Variants in PCNT observed in about 807,000 individuals in gnomAD.
PCNT encodes pericentrin, also known as kendrin.
In PCNT, 319 loss-of-function variants were observed where a neutral mutation model predicts 380.4. The ratio of observed to expected loss-of-function variants is 0.84; its 90% CI spans 0.77 to 0.92. The LOEUF (loss-of-function observed/expected upper bound fraction) is 0.92, where lower values mean the gene tolerates loss of function less well. Ranked by LOEUF, PCNT falls within the 40% of genes least tolerant of loss-of-function variation. The pLI is 0.00. For synonymous variants in PCNT, 1,845 were observed against 1,735.2 expected, an observed-to-expected ratio of 1.06 and a Z score of -1.57; for missense variants, 4,400 against 4,255.3, an observed-to-expected ratio of 1.03 and a Z score of -0.95.
At chr21:46,443,385 G>GT (rs1472251037) in intron 44 of PCNT, among the ~76,000 whole-genome samples, 16 of 152,202 alleles carry the variant, frequency 1.1e-4, no homozygotes, top group Non-Finnish European at 2.1e-4. Flanking sequence ...CCTGGCAGCT[G>GT]TATCAGTGTT....
chr21:46,332,587 T>G (rs189034442), intron 2 of PCNT, among the ~76,000 whole-genome samples: 505 of 152,326 alleles, frequency 3.3e-3, no homozygotes, highest in South Asian at 0.012. Flanking sequence ...GTGTCCCCTT[T>G]TCGTCCCTCA....
intron 8 of PCNT, 38 bp from the exon 9 acceptor site, chr21:46,351,391 C>G (rs1472780167): frequency 9.0e-7 from 1 of 1,108,162 alleles, no homozygotes; most frequent in Non-Finnish European, 1.4e-6. Context: ...GGGCCTTGAG[C>G]TCATTAGGGT....
chr21:46,360,101 C>T (rs1284255013), intron 13 of PCNT, among the ~76,000 whole-genome samples: 2 of 152,012 alleles, frequency 1.3e-5, no homozygotes, highest in Non-Finnish European at 2.9e-5. Flanking sequence ...AAGTGATCCA[C>T]CCGCCTCGGC....
Position 46,435,997 on chromosome 21 carries a change from G to A in PCNT, c.8845G>A (p.Gly2949Ser), listed in dbSNP as rs763656863. Reference sequence around the variant, plus strand: ...CCTGGAGTCGAAGGACGAGGTGCCTGGCAGCCGCCTCCACCTAGGTTCTGC... The same window carrying A: ...CCTGGAGTCGAAGGACGAGGTGCCTAGCAGCCGCCTCCACCTAGGTTCTGC... ...RDLESKDEVP[G>S]SRLHLGSARR... Residue 2949 changes from glycine to serine, a missense_variant, in exon 39 of 47, where the codon GGC (glycine) becomes AGC (serine). Transcript: ENST00000359568. 1.2e-6 allele frequency: 2 copies of A among 1,614,178 alleles called. No individual in the cohort carries two copies. Among genetic ancestry groups the A allele is most frequent in the South Asian group, 1.1e-5 (1 of 91,084 alleles).
rs1350674240 is a variant in PCNT, at chr21:46,385,975, C to G, written c.3456C>G (p.His1152Gln). 7 of 1,614,044 alleles carry G rather than the reference C, an allele frequency of 4.3e-6. No homozygotes were observed. The African/African-American group carries it at 9.3e-5, about 22-fold the overall frequency. Residue 1152 changes from histidine to glutamine, a missense_variant, in exon 17 of 47, where the codon CAC becomes CAG. His to Gln is a conservative substitution (Grantham distance 24). Coordinates refer to ENST00000359568, the MANE Select transcript of PCNT (RefSeq NM_006031.6). Reference sequence around the variant, plus strand: ...TCAAGGCCGACGTCAACCTGTCCCACAGCGAAAGGTCAGTGTGTCCTCGGC... The same window carrying G: ...TCAAGGCCGACGTCAACCTGTCCCAGAGCGAAAGGTCAGTGTGTCCTCGGC... ...SMLKADVNLS[H>Q]SERGALQDAL...
chr21:46,333,532 G>T, intron 2 of PCNT, among the ~76,000 whole-genome samples: 2 of 152,004 alleles, frequency 1.3e-5, no homozygotes, highest in Middle Eastern at 6.8e-3. Context: ...GTTTGAACCC[G>T]GAGGCGGAGG....
chr21:46,398,302 G>A (rs199892043), intron 24 of PCNT, 47 bp downstream of exon 24: 4 of 1,556,670 alleles, frequency 2.6e-6, no homozygotes, highest in South Asian at 1.2e-5. Context: ...TGGCGCCCAG[G>A]CTCCCCTGCG....
intron 3 of PCNT, among the ~76,000 whole-genome samples, chr21:46,345,201 G>C (rs2084027584): frequency 1.3e-5 from 2 of 152,072 alleles, no homozygotes. Context: ...CACAGCTTCT[G>C]TTTCTGGGAC....
Position 46,391,190 on chromosome 21 carries a change from A to T in PCNT, c.4030A>T (p.Thr1344Ser). 1 of 1,606,650 alleles carries T rather than the reference A, an allele frequency of 6.2e-7. No homozygotes were observed. Among genetic ancestry groups the T allele is most frequent in the Non-Finnish European group, 8.5e-7 (1 of 1,176,872 alleles). The change falls in exon 21 of 47, where the codon ACA becomes TCA. Residue 1344 changes from threonine (T) to serine (S), a missense_variant. Physicochemically the swap from Thr to Ser is moderately conservative, Grantham distance 58 (BLOSUM62 1). Coordinates refer to ENST00000359568, the MANE Select transcript of PCNT (RefSeq NM_006031.6). The part of the protein sequence containing the change: ...QGTLEGFKVE[T>S]ADLKEVLAGK... ...TACCCTTGAGGGATTCAAGGTGGAG[A>T]CAGCAGATCTGAAGGAGGTGCTGGC...
chr21:46,391,057 T>C, intron 20 of PCNT, 107 bp from the exon 21 acceptor site: 1 of 1,232,848 alleles, frequency 8.1e-7, no homozygotes, highest in Non-Finnish European at 1.2e-6. Context: ...TGCTGGCTCT[T>C]AGCTCTGCTG....
intron 15 of PCNT, among the ~76,000 whole-genome samples, chr21:46,374,955 G>A (rs1331126488): frequency 2.0e-5 from 3 of 151,996 alleles, no homozygotes; most frequent in Admixed American, 6.6e-5. Context: ...TCTTCCCCGC[G>A]GCGATGCTTT....
intron 10 of PCNT, 36 bp downstream of exon 10, chr21:46,353,362 C>A: frequency 6.5e-7 from 1 of 1,543,278 alleles, no homozygotes; most frequent in Non-Finnish European, 9.0e-7. Context: ...TGAGTTTCTG[C>A]CATACAGGGG....
rs1478336806 is a variant in PCNT at position 46,381,967 on chromosome 21, A to C, written c.3312+127A>C. Reference sequence around the variant, plus strand: ...GTGTTGTGCATTTATAGTGTTGTACATTCAGTGGCGGAAGCGCATTCACAG... The same window carrying C: ...GTGTTGTGCATTTATAGTGTTGTACCTTCAGTGGCGGAAGCGCATTCACAG... On this transcript the variant is annotated intron_variant, in intron 16 of 46. Coordinates refer to ENST00000359568, the MANE Select transcript of PCNT (RefSeq NM_006031.6). The C allele has an allele frequency of 9.5e-6, 9 of 944,072 alleles. No individual in the cohort carries two copies. The Admixed American group carries it at 2.0e-4, about 21-fold the overall frequency. 58.5% of individuals were successfully genotyped at this position (944,072 alleles called of 1,614,324 possible).
Position 46,381,841 on chromosome 21 carries a change from G to T in PCNT, c.3312+1G>T. The T allele has an allele frequency of 6.2e-7, 1 of 1,614,162 alleles. No individual in the cohort carries two copies. Among genetic ancestry groups the T allele is most frequent in the Non-Finnish European group, 8.5e-7 (1 of 1,179,994 alleles). On this transcript the variant is annotated splice_donor_variant, in intron 16 of 46. Transcript: ENST00000359568. LOFTEE classifies it high-confidence loss of function. ...AAAGAAGAATCACCAAGTCCAGCAGGTGTGTGGAATACGCTGTTCCCTTGT... is the reference window on the plus strand; with the variant it reads ...AAAGAAGAATCACCAAGTCCAGCAGTTGTGTGGAATACGCTGTTCCCTTGT...
intron 36 of PCNT, 113 bp downstream of exon 36, chr21:46,430,345 G>A (rs2087697582): frequency 7.3e-7 from 1 of 1,378,134 alleles, no homozygotes; most frequent in East Asian, 2.5e-5. Context: ...GGCAGCCCCA[G>A]GGGCACCGCG....
rs1299955867 is a variant in PCNT, at chr21:46,398,221, C to T, written c.4564-14C>T. ...TCTTTAAATTTTTGCCTTCCATGTA[C>T]ATGAAATCGGCAGCAGGCGCCGCTG... On this transcript the variant is annotated splice_polypyrimidine_tract_variant and intron_variant, in intron 23 of 46. Coordinates refer to ENST00000359568, the MANE Select transcript of PCNT (RefSeq NM_006031.6). 6.2e-7 allele frequency: 1 copy of T among 1,608,632 alleles called. No individual in the cohort carries two copies. The highest frequency in any genetic ancestry group is 1.7e-5 in the Admixed American group (1 of 59,472).
chr21:46,368,583 A>G (rs1281923042), intron 15 of PCNT, among the ~76,000 whole-genome samples: 2 of 152,248 alleles, frequency 1.3e-5, no homozygotes, highest in African/African-American at 4.8e-5. Context: ...GACTCAGGAA[A>G]GGACACGTGT....
At chr21:46,328,186 T>G (rs1255643225) in intron 2 of PCNT, among the ~76,000 whole-genome samples, 1 of 152,186 alleles carries the variant, frequency 6.6e-6, no homozygotes, top group Admixed American at 6.5e-5. Flanking sequence ...AAAATTTGTG[T>G]TATTCTACCT....
chr21:46,382,845 C>T (rs1433499216), intron 16 of PCNT, among the ~76,000 whole-genome samples: 3 of 132,016 alleles, frequency 2.3e-5, no homozygotes, highest in Admixed American at 7.4e-5. Context: ...GTTGTGCGTT[C>T]AGTGGCGGAA....
Sources: allele counts gnomAD v4.1 joint callset (sites outside exome capture counted in the v4.1 genomes callset), GRCh38; gene constraint gnomAD v4.1.1; transcripts MANE v1.5; gene names NCBI Gene and HGNC (gene_info 2026-07-23, HGNC 2026-07-21).